XPNPEP3: variants seen among roughly 807,000 people sequenced by gnomAD.
XPNPEP3 encodes the protein X-prolyl aminopeptidase 3.
In XPNPEP3, 41 loss-of-function variants were observed where a neutral mutation model predicts 60.0. The ratio of observed to expected loss-of-function variants is 0.68; its 90% CI spans 0.53 to 0.89. The LOEUF is 0.89. Among genes scored for constraint, XPNPEP3 ranks in the 40% least tolerant of loss-of-function variants. The probability of loss-of-function intolerance (pLI) is 0.00; values close to 1 mark genes in which losing one functional copy is unlikely to be tolerated. For missense variants in XPNPEP3, 598 were observed against 638.9 expected (o/e 0.94, Z 0.69); for synonymous variants, 212 against 223.2 (o/e 0.95, Z 0.45).
Position 40,926,356 on chromosome 22 carries a change from A to G in XPNPEP3, c.1445A>G (p.Gln482Arg). 1 of 1,614,034 alleles carries G rather than the reference A, an allele frequency of 6.2e-7. No individual in the cohort carries two copies. Among genetic ancestry groups the G allele is most frequent in the Non-Finnish European group, 8.5e-7 (1 of 1,179,896 alleles). The change falls in exon 10 of 10, where the codon CAG becomes CGG. Residue 482 changes from glutamine (Q) to arginine (R), a missense_variant. Physicochemically the swap from Gln to Arg is conservative, Grantham distance 43. Coordinates refer to ENST00000357137, the MANE Select transcript of XPNPEP3 (RefSeq NM_022098.4). ...VRIEDDVVVT[Q>R]DSPLILSADC... Reference sequence around the variant, plus strand: ...ATTGAGGATGATGTAGTGGTGACTCAGGACTCACCTCTCATCCTTTCTGCA... The same window carrying G: ...ATTGAGGATGATGTAGTGGTGACTCGGGACTCACCTCTCATCCTTTCTGCA...
chr22:40,905,208 T>C (rs1482283560), intron 4 of XPNPEP3, among the ~76,000 whole-genome samples: 2 of 151,752 alleles, frequency 1.3e-5, no homozygotes, highest in Admixed American at 6.6e-5. Flanking sequence ...GCCTCCCGAG[T>C]AACTAGGACC....
intron 2 of XPNPEP3, chr22:40,870,067 A>G (rs1016218217): frequency 1.1e-5 from 5 of 471,094 alleles, no homozygotes; most frequent in Admixed American, 4.7e-5. Context: ...CCTGCTGGGA[A>G]GTCGGCTGAA....
At chr22:40,893,511 A>C (rs1019096720) in intron 4 of XPNPEP3, among the ~76,000 whole-genome samples, 2 of 150,562 alleles carry the variant, frequency 1.3e-5, no homozygotes, top group African/African-American at 4.9e-5. Context: ...ATCTCAAAAA[A>C]AAAAAAAAAA....
At chr22:40,901,385 C>T (rs1220550242) in intron 4 of XPNPEP3, among the ~76,000 whole-genome samples, 1 of 152,072 alleles carries the variant, frequency 6.6e-6, no homozygotes, top group African/African-American at 2.4e-5. Flanking sequence ...CAGGCATGCA[C>T]CACCACGCCC....
intron 1 of XPNPEP3, among the ~76,000 whole-genome samples, chr22:40,857,988 C>T (rs906007490): frequency 1.5e-4 from 23 of 152,236 alleles, no homozygotes; most frequent in Admixed American, 6.5e-5. Flanking sequence ...ATTACATCGA[C>T]TTCTTACTAT....
At position 40,924,790 on chromosome 22, in the gene XPNPEP3, T is replaced by G. The variant is rs1006742937; in HGVS notation, c.1357+308T>G. ...CACCTATCTCAGTCTCCCAAAGTGC[T>G]AGGATTATACGTGAGCTACCGCGCC... On this transcript the variant is annotated intron_variant, in intron 9 of 9. Coordinates refer to ENST00000357137, the MANE Select transcript of XPNPEP3 (RefSeq NM_022098.4). Among the ~76,000 whole-genome samples the G allele has an allele frequency of 3.9e-5, 6 of 152,304 alleles. No individual in the cohort carries two copies. The East Asian group carries it at 1.2e-3, about 29-fold the overall frequency.
At chr22:40,925,076 GC>G (rs1569034035) in intron 9 of XPNPEP3, among the ~76,000 whole-genome samples, 1 of 152,124 alleles carries the variant, frequency 6.6e-6, no homozygotes, top group African/African-American at 2.4e-5. Context: ...GTAGTGGGGG[GC>G]TGCTCAAGCT....
intron 4 of XPNPEP3, among the ~76,000 whole-genome samples, chr22:40,905,490 C>G (rs6002195): frequency 9.2e-5 from 14 of 152,248 alleles, no homozygotes; most frequent in African/African-American, 3.4e-4. Context: ...AATAGACTAT[C>G]CATGCTCACT....
intron 1 of XPNPEP3, among the ~76,000 whole-genome samples, chr22:40,868,684 G>A (rs185045702): frequency 9.2e-5 from 14 of 151,862 alleles, no homozygotes; most frequent in Non-Finnish European, 1.5e-4. Context: ...ATTAAACCCC[G>A]TCTCTACAAA....
At chr22:40,913,121 TTAGAGA>T (rs1030481016) in intron 6 of XPNPEP3, among the ~76,000 whole-genome samples, 9 of 152,198 alleles carry the variant, frequency 5.9e-5, no homozygotes, top group African/African-American at 2.2e-4. Flanking sequence ...AATTAGAAAG[TTAGAGA>T]TATACTTAAA....
chr22:40,861,828 A>G (rs758064873), intron 1 of XPNPEP3: 1 of 1,612,130 alleles, frequency 6.2e-7, no homozygotes, highest in South Asian at 1.1e-5. Context: ...ATCATTTGAT[A>G]ATACCTCGTA....
chr22:40,889,562 T>C (rs1436591410), intron 4 of XPNPEP3, among the ~76,000 whole-genome samples: 1 of 152,210 alleles, frequency 6.6e-6, no homozygotes, highest in East Asian at 1.9e-4. Context: ...GCATAGTGGC[T>C]CACCCCTATA....
Position 40,928,232 on chromosome 22 carries a change from T to C in XPNPEP3, c.*1797T>C, listed in dbSNP as rs1484577226. On this transcript the variant is annotated 3_prime_UTR_variant, in exon 10 of 10. Transcript: ENST00000357137. Reference sequence around the variant, plus strand: ...TTTTTTTTTTTTTGGAGACAGAGTCTCGCTCTGTCGCCTGGGCTGGATGGA... The same window carrying C: ...TTTTTTTTTTTTTGGAGACAGAGTCCCGCTCTGTCGCCTGGGCTGGATGGA... 1 of 143,700 alleles carries C rather than the reference T, an allele frequency of 7.0e-6. No individual in the cohort carries two copies. Among genetic ancestry groups the C allele is most frequent in the African/African-American group, 2.6e-5 (1 of 38,874 alleles). 8.9% of individuals were successfully genotyped at this position (143,700 alleles called of 1,614,324 possible). A position where few individuals can be genotyped will look rare whatever the true frequency, so the allele number is the denominator to read the frequency against.
chr22:40,889,014 T>TTTTTG (rs540777419), intron 4 of XPNPEP3, among the ~76,000 whole-genome samples: 22 of 151,980 alleles, frequency 1.4e-4, no homozygotes, highest in African/African-American at 2.2e-4. Flanking sequence ...AATGGTTTTT[T>TTTTTG]TTTTGTTTTG....
intron 1 of XPNPEP3, among the ~76,000 whole-genome samples, chr22:40,868,088 G>A (rs541731817): frequency 9.9e-5 from 15 of 152,260 alleles, no homozygotes; most frequent in African/African-American, 3.6e-4. Context: ...TGTCATTCAT[G>A]TGTCTTTCTT....
At chr22:40,862,237 CTTCCAAAT>C in intron 1 of XPNPEP3, 1 of 1,239,830 alleles carries the variant, frequency 8.1e-7, no homozygotes, top group Non-Finnish European at 1.0e-6. Context: ...GGGACTGGAC[CTTCCAAAT>C]AGAGCTAGTC....
intron 6 of XPNPEP3, among the ~76,000 whole-genome samples, chr22:40,912,898 A>G (rs2058181967): frequency 1.3e-5 from 2 of 152,154 alleles, no homozygotes; most frequent in African/African-American, 2.4e-5. Flanking sequence ...GTCATAAAAT[A>G]CATTTTATCC....
intron 1 of XPNPEP3, among the ~76,000 whole-genome samples, chr22:40,865,545 C>G (rs1433750652): frequency 1.3e-5 from 2 of 152,036 alleles, no homozygotes; most frequent in East Asian, 3.9e-4. Flanking sequence ...TCAGGCTGGT[C>G]TCGAACTCCC....
intron 4 of XPNPEP3, among the ~76,000 whole-genome samples, chr22:40,898,068 A>G (rs1454260510): frequency 6.6e-6 from 1 of 151,758 alleles, no homozygotes; most frequent in South Asian, 2.1e-4. Context: ...TTTAATGCTC[A>G]AAATGTTTTA....
Sources: gnomAD v4.1 joint callset for allele counts (sites outside exome capture counted in the v4.1 genomes callset) on GRCh38, gnomAD v4.1.1 for gene constraint, MANE v1.5 for transcripts, NCBI Gene and HGNC (gene_info 2026-07-23, HGNC 2026-07-21) for gene names.